The following RADX variants were observed in gnomAD, a reference collection of about 807,000 sequenced individuals.
RADX encodes RPA-related protein RADX.
Under a neutral mutation model 61.6 loss-of-function variants are expected in RADX, and 36 were observed. That is an observed-to-expected ratio of 0.58 (90% CI 0.45 to 0.77). The LOEUF (loss-of-function observed/expected upper bound fraction) is 0.77, where lower values mean the gene tolerates loss of function less well. RADX is among the 30% of genes least tolerant of loss of function. The probability of loss-of-function intolerance (pLI) is 0.00; values close to 1 mark genes in which losing one functional copy is unlikely to be tolerated. For missense variants in RADX, 497 were observed against 651.1 expected, an observed-to-expected ratio of 0.76 and a Z score of 2.58; for synonymous variants, 272 against 237.9, an observed-to-expected ratio of 1.14 and a Z score of -1.32.
intron 1 of RADX, among the ~76,000 whole-genome samples, chrX:106,617,834 G>A (rs1926848898): frequency 9.0e-6 from 1 of 111,134 alleles, no homozygotes; most frequent in African/African-American, 3.3e-5. Flanking sequence ...AAATGGATGG[G>A]GCAAAAATGA....
chrX:106,646,058 A>C (rs1603049485), intron 10 of RADX, among the ~76,000 whole-genome samples: 1 of 110,973 alleles, frequency 9.0e-6, no homozygotes, highest in Middle Eastern at 4.6e-3. Flanking sequence ...TTTGTCTGAT[A>C]TAAAGATAGC....
intron 10 of RADX, among the ~76,000 whole-genome samples, chrX:106,646,226 A>G (rs1036401133): frequency 9.0e-6 from 1 of 110,807 alleles, no homozygotes; most frequent in African/African-American, 3.3e-5. Flanking sequence ...CTCATAAGCA[A>G]CAGATCAATG....
chrX:106,622,580 C>T (rs1418340791), intron 1 of RADX, 71 bp from the exon 2 acceptor site: 1 of 894,505 alleles, frequency 1.1e-6, no homozygotes, highest in African/African-American at 2.0e-5. Flanking sequence ...CTATTTTTAA[C>T]CATTAAAATA....
Position 106,633,088 on chromosome X carries a change from A to G in RADX, c.1181-42A>G, listed in dbSNP as rs375031968. On this transcript the variant is annotated intron_variant, in intron 5 of 13. Coordinates refer to ENST00000372548, the MANE Select transcript of RADX (RefSeq NM_018015.6). Reference sequence around the variant, plus strand: ...TGAATAATTTTGTGTTCATATGTATATAACAGTTACCTTCATTTATTTTAA... The same window carrying G: ...TGAATAATTTTGTGTTCATATGTATGTAACAGTTACCTTCATTTATTTTAA... The G allele has an allele frequency of 2.6e-5, 30 of 1,169,808 alleles. 1 individual carries two copies. The African/African-American group carries it at 2.8e-4, about 11-fold the overall frequency.
At chrX:106,620,450 A>G (rs1429293786) in intron 1 of RADX, among the ~76,000 whole-genome samples, 1 of 110,977 alleles carries the variant, frequency 9.0e-6, no homozygotes, top group African/African-American at 3.3e-5. Flanking sequence ...AGGCAGGCGG[A>G]TCACTTGAGG....
intron 1 of RADX, among the ~76,000 whole-genome samples, chrX:106,613,684 A>G (rs181273336): frequency 3.6e-4 from 40 of 111,999 alleles, no homozygotes; most frequent in Admixed American, 1.3e-3. Flanking sequence ...AAACCATGCA[A>G]TTATAGTCAC....
chrX:106,616,582 G>A (rs566245530), intron 1 of RADX, among the ~76,000 whole-genome samples: 1 of 111,055 alleles, frequency 9.0e-6, no homozygotes, highest in Non-Finnish European at 1.9e-5. Flanking sequence ...CATCCCCCAG[G>A]TTTGGAAGTA....
chrX:106,613,191 A>T (rs1218517795), intron 1 of RADX, among the ~76,000 whole-genome samples: 1 of 112,235 alleles, frequency 8.9e-6, no homozygotes, highest in Non-Finnish European at 1.9e-5. Context: ...TTCAAAAAGG[A>T]TGCTCCGTGA....
intron 12 of RADX, among the ~76,000 whole-genome samples, chrX:106,665,679 A>G (rs1928211865): frequency 9.0e-6 from 1 of 111,281 alleles, no homozygotes; most frequent in Admixed American, 9.6e-5. Flanking sequence ...TAGTGATACT[A>G]TCTTCTAGTG....
chrX:106,673,589 G>A (rs5962717), intron 13 of RADX, among the ~76,000 whole-genome samples: 4,614 of 107,614 alleles, frequency 0.043, 281 homozygotes, highest in African/African-American at 0.15. Flanking sequence ...GGGAGCCATG[G>A]GCTGTGCAGC....
At chrX:106,629,166 A>T (rs180748418) in intron 3 of RADX, among the ~76,000 whole-genome samples, 1 of 111,892 alleles carries the variant, frequency 8.9e-6, no homozygotes, top group East Asian at 2.8e-4. Context: ...TGATTGGATG[A>T]TAGCAACAAG....
chrX:106,665,931 A>G (rs1375573764), intron 12 of RADX, among the ~76,000 whole-genome samples: 1 of 111,477 alleles, frequency 9.0e-6, no homozygotes, highest in Non-Finnish European at 1.9e-5. Context: ...TCAGAAACCT[A>G]TCCTAGAAGC....
At chrX:106,633,742 C>T (rs16985918) in intron 6 of RADX, among the ~76,000 whole-genome samples, 3,076 of 111,564 alleles carry the variant, frequency 0.028, 103 homozygotes, top group African/African-American at 0.095. Context: ...GTTATTTATA[C>T]CGGCTGGTCA....
chrX:106,641,920 G>T (rs1362633710), intron 10 of RADX, among the ~76,000 whole-genome samples: 1 of 111,573 alleles, frequency 9.0e-6, no homozygotes, highest in Non-Finnish European at 1.9e-5. Flanking sequence ...AATTGTACAT[G>T]ATTGGAAGTT....
chrX:106,643,578 G>A (rs1462806541), intron 10 of RADX, among the ~76,000 whole-genome samples: 1 of 111,100 alleles, frequency 9.0e-6, no homozygotes. Flanking sequence ...ACCATTTATT[G>A]GAAAGACTGT....
chrX:106,657,846 A>G (rs1927984291), intron 11 of RADX, among the ~76,000 whole-genome samples: 1 of 111,313 alleles, frequency 9.0e-6, no homozygotes, highest in Non-Finnish European at 1.9e-5. Context: ...CATAATATAT[A>G]TAATAATTTA....
chrX:106,644,720 G>T (rs1197303735), intron 10 of RADX, among the ~76,000 whole-genome samples: 2 of 111,092 alleles, frequency 1.8e-5, no homozygotes, highest in Non-Finnish European at 3.8e-5. Flanking sequence ...ATATTGACCT[G>T]TAGTTTTCTT....
At chrX:106,628,172 A>AT (rs1239912065) in intron 3 of RADX, among the ~76,000 whole-genome samples, 2 of 111,899 alleles carry the variant, frequency 1.8e-5, no homozygotes, top group Non-Finnish European at 3.8e-5. Flanking sequence ...AGAAAAAAAA[A>AT]GGCAGTTATG....
At chrX:106,660,804 A>G (rs1384138837) in intron 11 of RADX, among the ~76,000 whole-genome samples, 1 of 112,109 alleles carries the variant, frequency 8.9e-6, no homozygotes, top group African/African-American at 3.2e-5. Flanking sequence ...CGAATGTCAT[A>G]ATGTATACGT....
Sources: gnomAD v4.1 joint callset for allele counts (sites outside exome capture counted in the v4.1 genomes callset) on GRCh38, gnomAD v4.1.1 for gene constraint, MANE v1.5 for transcripts, NCBI Gene and HGNC (gene_info 2026-07-23, HGNC 2026-07-21) for gene names.